Variants in DLG2 observed in about 807,000 individuals in gnomAD.
The protein encoded by DLG2 is discs large MAGUK scaffold protein 2, also known as disks large homolog 2.
A neutral mutation model predicts 132.5 loss-of-function variants in DLG2; 45 were observed. The ratio of observed to expected loss-of-function variants is 0.34; its 90% CI spans 0.27 to 0.44. DLG2 has a LOEUF of 0.44. Ranked by LOEUF, DLG2 falls within the 20% of genes least tolerant of loss-of-function variation. The probability of loss-of-function intolerance (pLI) is 1.00; values close to 1 mark genes in which losing one functional copy is unlikely to be tolerated. For missense variants in DLG2, 1,045 were observed against 1,196.9 expected, an observed-to-expected ratio of 0.87 and a Z score of 1.87; for synonymous variants, 424 against 419.6, an observed-to-expected ratio of 1.01 and a Z score of -0.13.
intron 20 of DLG2, among the ~76,000 whole-genome samples, chr11:83,537,488 C>G (rs1427031651): frequency 6.6e-6 from 1 of 152,054 alleles, no homozygotes; most frequent in Non-Finnish European, 1.5e-5. Flanking sequence ...TGACCAGTCA[C>G]TAGGGAACAA....
chr11:85,066,681 TA>T (rs1049610244), intron 6 of DLG2, among the ~76,000 whole-genome samples: 8 of 151,106 alleles, frequency 5.3e-5, no homozygotes, highest in Admixed American at 4.0e-4. Flanking sequence ...ACAAAGTTAA[TA>T]AAAAAAACTA....
rs529973554 is a variant in DLG2 at position 85,461,706 on chromosome 11, C to T, written c.40+136951G>A. Among the ~76,000 whole-genome samples, 12 of 152,212 alleles carry T rather than the reference C, an allele frequency of 7.9e-5. No individual in the cohort carries two copies. The East Asian group carries it at 1.2e-3, about 15-fold the overall frequency. On this transcript the variant is annotated intron_variant, in intron 3 of 27. Coordinates refer to ENST00000376104, the MANE Select transcript of DLG2 (RefSeq NM_001142699.3). ...CCACATGCAGCAGCAAAAAAGGAGACGGAAACTGACAAAGGGAGATGTCAA... is the reference window on the plus strand; with the variant it reads ...CCACATGCAGCAGCAAAAAAGGAGATGGAAACTGACAAAGGGAGATGTCAA...
intron 6 of DLG2, among the ~76,000 whole-genome samples, chr11:84,901,881 T>C (rs1037532948): frequency 3.3e-5 from 5 of 152,122 alleles, no homozygotes; most frequent in Admixed American, 2.0e-4. Context: ...AACATTTTCT[T>C]AGTGTTGAAT....
intron 3 of DLG2, among the ~76,000 whole-genome samples, chr11:85,558,982 C>T (rs1016444876): frequency 2.0e-5 from 3 of 151,448 alleles, no homozygotes; most frequent in East Asian, 1.9e-4. Context: ...CTAAAACTAA[C>T]GTGCAGAACT....
At chr11:85,061,942 CT>C (rs1593432152) in intron 6 of DLG2, among the ~76,000 whole-genome samples, 3 of 151,784 alleles carry the variant, frequency 2.0e-5, no homozygotes, top group African/African-American at 7.3e-5. Flanking sequence ...TACCATGTGA[CT>C]CTAGAAATTT....
intron 7 of DLG2, among the ~76,000 whole-genome samples, chr11:84,510,299 CAT>C (rs1452281599): frequency 6.6e-6 from 1 of 151,916 alleles, no homozygotes; most frequent in Non-Finnish European, 1.5e-5. Flanking sequence ...TTATTCCTAA[CAT>C]ATGTCATTTA....
chr11:85,343,873 C>A (rs866317597), intron 3 of DLG2, among the ~76,000 whole-genome samples: 1 of 151,894 alleles, frequency 6.6e-6, no homozygotes, highest in Admixed American at 6.6e-5. Context: ...GGGCTTTGAG[C>A]GTAAATGTTT....
chr11:83,756,133 C>G (rs1414087919), intron 18 of DLG2, among the ~76,000 whole-genome samples: 1 of 151,018 alleles, frequency 6.6e-6, no homozygotes, highest in African/African-American at 2.5e-5. Context: ...GGCACCACAC[C>G]CTCAGTATTA....
chr11:84,797,803 G>A (rs2074848242), intron 6 of DLG2, among the ~76,000 whole-genome samples: 1 of 152,120 alleles, frequency 6.6e-6, no homozygotes, highest in Non-Finnish European at 1.5e-5. Context: ...AAGAGCTCGG[G>A]ATTTCTTGTA....
At chr11:85,233,623 T>C (rs1040165315) in intron 4 of DLG2, among the ~76,000 whole-genome samples, 3 of 151,706 alleles carry the variant, frequency 2.0e-5, no homozygotes, top group Non-Finnish European at 1.5e-5. Flanking sequence ...GTTGGCAAGA[T>C]AATGGGAAGG....
intron 6 of DLG2, among the ~76,000 whole-genome samples, chr11:84,939,813 T>C (rs2049170739): frequency 6.6e-6 from 1 of 152,222 alleles, no homozygotes; most frequent in African/African-American, 2.4e-5. Context: ...ATTTTATTTA[T>C]CCATTTGTCT....
At chr11:85,189,706 G>A (rs2080389796) in intron 4 of DLG2, among the ~76,000 whole-genome samples, 1 of 152,102 alleles carries the variant, frequency 6.6e-6, no homozygotes, top group South Asian at 2.1e-4. Context: ...AAAGACCCAT[G>A]TACCAAAAGG....
At chr11:84,879,928 A>T (rs748094905) in intron 6 of DLG2, among the ~76,000 whole-genome samples, 3 of 152,152 alleles carry the variant, frequency 2.0e-5, no homozygotes, top group Non-Finnish European at 4.4e-5. Flanking sequence ...ATTTATACTA[A>T]CAGATGTTTC....
intron 6 of DLG2, among the ~76,000 whole-genome samples, chr11:84,891,602 C>A (rs1272634577): frequency 6.6e-6 from 1 of 151,962 alleles, no homozygotes; most frequent in African/African-American, 2.4e-5. Flanking sequence ...AAATAACAAA[C>A]CTTAAAAATA....
chr11:84,675,935 C>T (rs187747327), intron 6 of DLG2, among the ~76,000 whole-genome samples: 16 of 152,142 alleles, frequency 1.1e-4, no homozygotes, highest in Admixed American at 3.9e-4. Flanking sequence ...TGTGTGCCTC[C>T]TCTGGGTACC....
chr11:84,803,327 C>T (rs1420336955), intron 6 of DLG2, among the ~76,000 whole-genome samples: 1 of 152,114 alleles, frequency 6.6e-6, no homozygotes, highest in Non-Finnish European at 1.5e-5. Context: ...ACTTAGGGAG[C>T]TATTCTGTGT....
intron 6 of DLG2, among the ~76,000 whole-genome samples, chr11:84,804,930 G>C (rs905125103): frequency 6.6e-6 from 1 of 151,960 alleles, no homozygotes; most frequent in Non-Finnish European, 1.5e-5. Context: ...CATTGTAACC[G>C]TGGAGAAAAA....
chr11:84,927,678 A>C (rs1412575029), intron 6 of DLG2, among the ~76,000 whole-genome samples: 1 of 152,038 alleles, frequency 6.6e-6, no homozygotes, highest in Non-Finnish European at 1.5e-5. Flanking sequence ...TTTATTATTG[A>C]TAAACATTAA....
chr11:85,081,156 T>G (rs967457060), intron 6 of DLG2, among the ~76,000 whole-genome samples: 2 of 152,174 alleles, frequency 1.3e-5, no homozygotes, highest in African/African-American at 4.8e-5. Flanking sequence ...CCCTCTGCAG[T>G]GACTTCTTTT....
Sources: gnomAD v4.1 joint callset for allele counts (sites outside exome capture counted in the v4.1 genomes callset) on GRCh38, gnomAD v4.1.1 for gene constraint, MANE v1.5 for transcripts, NCBI Gene and HGNC (gene_info 2026-07-23, HGNC 2026-07-21) for gene names.